ZNF148: variants seen among roughly 807,000 people sequenced by gnomAD.
ZNF148 encodes the protein zinc finger protein 148, also known as Beta-Enolase Repressor Factor-1.
In ZNF148, 7 loss-of-function variants were observed where a neutral mutation model predicts 67.7. The ratio of observed to expected loss-of-function variants is 0.10; its 90% CI spans 0.06 to 0.19. The LOEUF is 0.19. ZNF148 is among the 10% of genes least tolerant of loss of function. The pLI is 1.00. For synonymous variants in ZNF148, 333 were observed against 330.7 expected (o/e 1.01, Z -0.08); for missense variants, 583 against 947.1 (o/e 0.62, Z 5.05).
intron 7 of ZNF148, among the ~76,000 whole-genome samples, chr3:125,245,439 C>T (rs1246762077): frequency 6.6e-6 from 1 of 152,196 alleles, no homozygotes; most frequent in African/African-American, 2.4e-5. Flanking sequence ...GCCTCCCCAG[C>T]CATGTGGAAC....
chr3:125,319,592 A>T (rs1337371372), intron 3 of ZNF148, among the ~76,000 whole-genome samples: 1 of 152,222 alleles, frequency 6.6e-6, no homozygotes, highest in East Asian at 1.9e-4. Context: ...TAATATGTTT[A>T]TGTCTGTATT....
At chr3:125,246,081 C>T (rs1279531931) in intron 7 of ZNF148, among the ~76,000 whole-genome samples, 2 of 152,118 alleles carry the variant, frequency 1.3e-5, no homozygotes, top group Admixed American at 1.3e-4. Context: ...TACAAAACTT[C>T]CCCAAATCAA....
At chr3:125,371,379 G>C in intron 1 of ZNF148, among the ~76,000 whole-genome samples, 1 of 138,922 alleles carries the variant, frequency 7.2e-6, no homozygotes, top group East Asian at 2.3e-4. Flanking sequence ...AAAAGGGGGG[G>C]GGGGGGGCAG....
intron 1 of ZNF148, among the ~76,000 whole-genome samples, chr3:125,371,155 C>A (rs1323664603): frequency 6.7e-6 from 1 of 149,370 alleles, no homozygotes; most frequent in East Asian, 2.0e-4. Flanking sequence ...GAGTGCAAGA[C>A]CAGCCTGGGC....
chr3:125,315,432 G>C (rs1940439303), intron 3 of ZNF148, among the ~76,000 whole-genome samples: 1 of 151,880 alleles, frequency 6.6e-6, no homozygotes, highest in Admixed American at 6.6e-5. Context: ...ACATTGGCCG[G>C]GTGCAGTGGC....
intron 1 of ZNF148, among the ~76,000 whole-genome samples, chr3:125,358,181 C>T (rs773790406): frequency 1.3e-5 from 2 of 152,040 alleles, no homozygotes; most frequent in Admixed American, 6.6e-5. Context: ...GGTGTGGTGG[C>T]GGGCACCTGT....
intron 7 of ZNF148, among the ~76,000 whole-genome samples, chr3:125,276,774 T>G (rs1267567807): frequency 6.6e-6 from 1 of 152,118 alleles, no homozygotes; most frequent in Non-Finnish European, 1.5e-5. Context: ...ACATTCAGGC[T>G]TCTTTTTGGG....
chr3:125,309,437 G>A (rs1227520389), intron 4 of ZNF148, among the ~76,000 whole-genome samples: 2 of 152,122 alleles, frequency 1.3e-5, no homozygotes, highest in African/African-American at 4.8e-5. Flanking sequence ...ATCTTTTAAG[G>A]TGAAACATGA....
chr3:125,331,449 T>C (rs1000926333), intron 1 of ZNF148, among the ~76,000 whole-genome samples: 4 of 152,214 alleles, frequency 2.6e-5, no homozygotes, highest in African/African-American at 7.2e-5. Context: ...ATCACAACAA[T>C]GACTCACATA....
chr3:125,290,030 T>C (rs896364049), intron 4 of ZNF148, among the ~76,000 whole-genome samples: 8 of 152,100 alleles, frequency 5.3e-5, no homozygotes, highest in Admixed American at 2.0e-4. Flanking sequence ...AGTCCAGATA[T>C]GCCACCACCA....
chr3:125,345,218 C>T (rs558990412), intron 1 of ZNF148, among the ~76,000 whole-genome samples: 1 of 152,050 alleles, frequency 6.6e-6, no homozygotes, highest in South Asian at 2.1e-4. Context: ...TAACCAGTAA[C>T]TAGAAATCAG....
chr3:125,259,718 T>C (rs1937249956), intron 7 of ZNF148, among the ~76,000 whole-genome samples: 1 of 152,150 alleles, frequency 6.6e-6, no homozygotes, highest in Non-Finnish European at 1.5e-5. Flanking sequence ...TCTCAGCACT[T>C]TGGGAGGCTG....
intron 3 of ZNF148, among the ~76,000 whole-genome samples, chr3:125,319,954 G>C (rs1940695482): frequency 6.6e-6 from 1 of 152,154 alleles, no homozygotes; most frequent in Non-Finnish European, 1.5e-5. Flanking sequence ...TGCTTGGCTT[G>C]GCAAAGCAAT....
intron 4 of ZNF148, among the ~76,000 whole-genome samples, chr3:125,305,989 A>G (rs1416908336): frequency 6.6e-6 from 1 of 152,178 alleles, no homozygotes; most frequent in Non-Finnish European, 1.5e-5. Flanking sequence ...ATCATACAGC[A>G]TATATTTTCT....
chr3:125,318,184 T>C (rs1032703602), intron 3 of ZNF148, among the ~76,000 whole-genome samples: 33 of 152,300 alleles, frequency 2.2e-4, no homozygotes, highest in African/African-American at 7.5e-4. Flanking sequence ...TGTGCCTCAC[T>C]GCATATTCAA....
At chr3:125,371,554 G>A (rs1942885436) in intron 1 of ZNF148, among the ~76,000 whole-genome samples, 1 of 151,194 alleles carries the variant, frequency 6.6e-6, no homozygotes, top group South Asian at 2.1e-4. Flanking sequence ...AGCTACTCAG[G>A]AGGCTGAGGC....
At chr3:125,261,213 T>A (rs918515015) in intron 7 of ZNF148, among the ~76,000 whole-genome samples, 1 of 152,174 alleles carries the variant, frequency 6.6e-6, no homozygotes, top group Non-Finnish European at 1.5e-5. Flanking sequence ...TCTGTTCCAA[T>A]AAAATTTTAA....
intron 7 of ZNF148, among the ~76,000 whole-genome samples, chr3:125,274,510 T>C (rs1486553264): frequency 2.0e-5 from 3 of 152,176 alleles, no homozygotes; most frequent in African/African-American, 7.2e-5. Context: ...TGGTGTTTCA[T>C]AGACAAGCCC....
chr3:125,342,093 T>C (rs556995417), intron 1 of ZNF148, among the ~76,000 whole-genome samples: 197 of 146,972 alleles, frequency 1.3e-3, no homozygotes, highest in African/African-American at 4.5e-3. Flanking sequence ...AGAAAATAAA[T>C]TGAAAAAAGT....
Sources: allele counts gnomAD v4.1 joint callset (sites outside exome capture counted in the v4.1 genomes callset), GRCh38; gene constraint gnomAD v4.1.1; transcripts MANE v1.5; gene names NCBI Gene and HGNC (gene_info 2026-07-23, HGNC 2026-07-21).